The following SPOCK3 variants were observed in gnomAD, a reference collection of about 807,000 sequenced individuals.
SPOCK3 encodes SPARC (osteonectin), cwcv and kazal like domains proteoglycan 3.
Under a neutral mutation model 56.6 loss-of-function variants are expected in SPOCK3, and 30 were observed. The observed-to-expected ratio is 0.53, with a 90% confidence interval of 0.40 to 0.72. The LOEUF is 0.72. Ranked by LOEUF, SPOCK3 falls within the 30% of genes least tolerant of loss-of-function variation. The pLI is 0.00. For missense variants in SPOCK3, 527 were observed against 530.0 expected, an observed-to-expected ratio of 0.99 and a Z score of 0.06; for synonymous variants, 196 against 183.3, an observed-to-expected ratio of 1.07 and a Z score of -0.56.
intron 2 of SPOCK3, among the ~76,000 whole-genome samples, chr4:167,187,501 G>T (rs1394096479): frequency 1.3e-5 from 2 of 151,612 alleles, no homozygotes; most frequent in African/African-American, 4.8e-5. Flanking sequence ...ATCCACTTTT[G>T]ATTCCACAAG....
rs549232850 is a variant in SPOCK3 at position 167,042,358 on chromosome 4, G to A, written c.235+20134C>T. 2.7e-3 allele frequency among the ~76,000 whole-genome samples: 406 copies of A among 152,254 alleles called. 2 individuals are homozygous for A. The highest frequency in any genetic ancestry group is 9.2e-3 in the African/African-American group (382 of 41,556). ...TATAGAATACTGAATTAGAGGAACA[G>A]AAACAACAAATAGGATATGTTATGT... is the stretch of plus-strand genomic sequence containing the variant. On this transcript the variant is annotated intron_variant, in intron 3 of 10. Transcript: ENST00000357545.
chr4:166,920,905 TA>T (rs1738411026), intron 4 of SPOCK3, among the ~76,000 whole-genome samples: 2 of 152,214 alleles, frequency 1.3e-5, no homozygotes, highest in African/African-American at 4.8e-5. Flanking sequence ...ATTTAACAAT[TA>T]AATGCTGCAT....
At chr4:166,737,140 T>C (rs1457629310) in intron 10 of SPOCK3, among the ~76,000 whole-genome samples, 2 of 152,134 alleles carry the variant, frequency 1.3e-5, no homozygotes, top group Non-Finnish European at 2.9e-5. Flanking sequence ...ATAGAGTTTA[T>C]TGACTTGCAG....
intron 3 of SPOCK3, among the ~76,000 whole-genome samples, chr4:167,030,016 C>A (rs879445418): frequency 6.6e-6 from 1 of 151,854 alleles, no homozygotes; most frequent in South Asian, 2.1e-4. Flanking sequence ...TATTTTCTCG[C>A]TCTTCTATTG....
At chr4:166,936,057 A>G (rs1017029369) in intron 4 of SPOCK3, among the ~76,000 whole-genome samples, 2 of 152,138 alleles carry the variant, frequency 1.3e-5, no homozygotes, top group African/African-American at 4.8e-5. Flanking sequence ...GGGTATTGAA[A>G]TTTAATAAAT....
At chr4:167,146,768 C>T (rs1561265336) in intron 2 of SPOCK3, among the ~76,000 whole-genome samples, 1 of 152,040 alleles carries the variant, frequency 6.6e-6, no homozygotes, top group African/African-American at 2.4e-5. Context: ...CCAATGAGAA[C>T]AAAGACACAA....
chr4:166,858,357 G>A lies in SPOCK3; in HGVS notation c.589+30773C>T, dbSNP rs531683943. Among the ~76,000 whole-genome samples the A allele has an allele frequency of 2.0e-5, 3 of 152,126 alleles. No individual in the cohort carries two copies. The East Asian group carries it at 5.8e-4, about 29-fold the overall frequency. ...GCTTCTATCTCAATATGCAATCTTT[G>A]GTCTATGTCAAATGGTGACTCTTCT... is the stretch of plus-strand genomic sequence containing the variant. On this transcript the variant is annotated intron_variant, in intron 6 of 10. Coordinates refer to ENST00000357545, the MANE Select transcript of SPOCK3 (RefSeq NM_001040159.2).
chr4:166,742,209 T>C lies in SPOCK3; in HGVS notation c.932-150A>G. ...GTTTACTTATAAAGATACATTCATA[T>C]AGGTACATACATGTGTCTATCTATC... On this transcript the variant is annotated intron_variant, in intron 8 of 10. Transcript: ENST00000357545. 3 of 593,784 alleles carry C rather than the reference T, an allele frequency of 5.1e-6. No homozygotes were observed. The Admixed American group carries it at 8.6e-5, about 17-fold the overall frequency. The allele number at this position is 593,784 out of a possible 1,614,324, so 36.8% of individuals were successfully genotyped here.
intron 4 of SPOCK3, among the ~76,000 whole-genome samples, chr4:166,939,095 C>A (rs2150011885): frequency 6.6e-6 from 1 of 152,198 alleles, no homozygotes; most frequent in Non-Finnish European, 1.5e-5. Context: ...GGCATGCTTG[C>A]CCTACTAGAA....
chr4:166,952,081 A>G (rs1259830042), intron 4 of SPOCK3, among the ~76,000 whole-genome samples: 11 of 152,210 alleles, frequency 7.2e-5, no homozygotes, highest in African/African-American at 2.7e-4. Context: ...GATTCTGGCC[A>G]GGGCAATTAG....
At chr4:166,795,207 T>G (rs1741800455) in intron 6 of SPOCK3, among the ~76,000 whole-genome samples, 1 of 152,168 alleles carries the variant, frequency 6.6e-6, no homozygotes, top group African/African-American at 2.4e-5. Flanking sequence ...ATCATAGGTA[T>G]TTGGTAGCAC....
chr4:167,174,128 G>C (rs1366632183), intron 2 of SPOCK3, among the ~76,000 whole-genome samples: 1 of 151,952 alleles, frequency 6.6e-6, no homozygotes, highest in African/African-American at 2.4e-5. Flanking sequence ...AGAACACATG[G>C]AATATCCATC....
chr4:167,037,200 G>A (rs1226351459), intron 3 of SPOCK3, among the ~76,000 whole-genome samples: 2 of 152,138 alleles, frequency 1.3e-5, no homozygotes, highest in African/African-American at 2.4e-5. Flanking sequence ...AGATTTTACA[G>A]GGGCCAGGCG....
chr4:167,106,775 G>A (rs1760197398), intron 2 of SPOCK3, among the ~76,000 whole-genome samples: 3 of 149,618 alleles, frequency 2.0e-5, no homozygotes, highest in African/African-American at 7.3e-5. Flanking sequence ...AAAAAAAAAG[G>A]GACAGAAGAC....
chr4:166,809,074 A>C (rs1468557001), intron 6 of SPOCK3, among the ~76,000 whole-genome samples: 1 of 152,120 alleles, frequency 6.6e-6, no homozygotes, highest in African/African-American at 2.4e-5. Flanking sequence ...GTTAGATCAA[A>C]TATTACATGG....
At chr4:167,116,854 T>TAC (rs1761453337) in intron 2 of SPOCK3, among the ~76,000 whole-genome samples, 1 of 142,392 alleles carries the variant, frequency 7.0e-6, no homozygotes. Context: ...TTTATATATA[T>TAC]ACTTTTGTAT....
intron 5 of SPOCK3, among the ~76,000 whole-genome samples, chr4:166,899,648 C>G (rs62354109): frequency 0.071 from 10,776 of 151,762 alleles, 505 homozygotes; most frequent in Non-Finnish European, 0.1. Flanking sequence ...TCCTGAATAG[C>G]TGGGATTACA....
intron 4 of SPOCK3, among the ~76,000 whole-genome samples, chr4:166,997,275 T>A (rs1470564138): frequency 6.6e-6 from 1 of 152,032 alleles, no homozygotes; most frequent in Non-Finnish European, 1.5e-5. Flanking sequence ...TTTACCTATA[T>A]AACAAACCTG....
intron 7 of SPOCK3, among the ~76,000 whole-genome samples, chr4:166,769,533 A>T (rs977107414): frequency 3.3e-5 from 5 of 152,232 alleles, no homozygotes; most frequent in African/African-American, 1.2e-4. Flanking sequence ...TTCCTGCCTG[A>T]TCGTTCCTCT....
Sources: gnomAD v4.1 joint callset for allele counts (sites outside exome capture counted in the v4.1 genomes callset) on GRCh38, gnomAD v4.1.1 for gene constraint, MANE v1.5 for transcripts, NCBI Gene and HGNC (gene_info 2026-07-23, HGNC 2026-07-21) for gene names.